The following LEFTY2 variants were observed in gnomAD, a reference collection of about 807,000 sequenced individuals.
LEFTY2 encodes the protein TGF-beta-4.
A neutral mutation model predicts 26.4 loss-of-function variants in LEFTY2; 10 were observed. The observed-to-expected ratio is 0.38, with a 90% CI of 0.23 to 0.64. LEFTY2 has a LOEUF of 0.64. Ranked by LOEUF, LEFTY2 falls within the 30% of genes least tolerant of loss-of-function variation. LEFTY2 has a pLI of 0.56. For missense variants in LEFTY2, 407 were observed against 502.1 expected, an observed-to-expected ratio of 0.81 and a Z score of 1.81; for synonymous variants, 204 against 234.1, an observed-to-expected ratio of 0.87 and a Z score of 1.17.
rs775888896 is a variant in LEFTY2, at chr1:225,939,815, G to C, written c.438C>G (p.Thr146=). The C allele has an allele frequency of 3.2e-6, 5 of 1,554,668 alleles. No individual in the cohort carries two copies. The highest frequency in any genetic ancestry group is 2.4e-5 in the East Asian group (1 of 42,438). The stretch of plus-strand genomic sequence containing the variant: ...CGTCGCGGACGCGCAGCCACTCGAC[G>C]GTCACCCGGGCCTGGGCGCTGCGCG... ...LSPRSAQARV[T]VEWLRVRDDG... Residue 146 remains threonine, a synonymous_variant, in exon 2 of 4, where the codon ACC becomes ACG. Coordinates refer to ENST00000366820, the MANE Select transcript of LEFTY2 (RefSeq NM_003240.5). This position sits in a 1 kb window ranked among gnomAD's most constrained non-coding sequence, Gnocchi z 4.1.
chr1:225,937,885 C>G, intron 3 of LEFTY2, 81 bp from the exon 4 acceptor site: 1 of 1,506,586 alleles, frequency 6.6e-7, no homozygotes. Flanking sequence ...TAGTGGGCAC[C>G]TGGGAGGGAG....
In LEFTY2 at chr1:225,941,079, G is replaced by A. The variant is rs766372322; in HGVS notation, c.62C>T (p.Ala21Val). ...WVLPLAGPGA[A>V]LTEEQLLGSL... ...GCCCAGGAGCTGCTCCTCGGTCAGG[G>A]CCGCCCCGGGGCCAGCCAGGGGCAG... is the stretch of plus-strand genomic sequence containing the variant. Residue 21 changes from alanine (A) to valine (V), a missense_variant, in exon 1 of 4, where the codon GCC becomes GTC. Physicochemically the swap from Ala to Val is moderately conservative, Grantham distance 64 (BLOSUM62 0). Coordinates refer to ENST00000366820, the MANE Select transcript of LEFTY2 (RefSeq NM_003240.5). 3.1e-6 allele frequency: 5 copies of A among 1,600,116 alleles called. No individual in the cohort carries two copies. Among genetic ancestry groups the A allele is most frequent in the Non-Finnish European group, 3.4e-6 (4 of 1,173,528 alleles).
chr1:225,937,669 G>A lies in LEFTY2; in HGVS notation c.873C>T (p.Tyr291=), dbSNP rs536871035. The change falls in exon 4 of 4, where the codon TAC becomes TAT. Residue 291 remains tyrosine, a synonymous_variant. Transcript: ENST00000366820. The part of the protein sequence containing the change: ...WVLEPPGFLA[Y]ECVGTCQQPP... ...GCTGCTGGCAGGTGCCCACACACTC[G>A]TAAGCCAGGAAGCCCGGGGGCTCCA... 238 of 1,614,020 alleles carry A rather than the reference G, an allele frequency of 1.5e-4. No individual in the cohort carries two copies. The East Asian group carries it at 4.0e-3, about 27-fold the overall frequency.
At chr1:225,938,994 C>T (rs1169415053) in intron 3 of LEFTY2, among the ~76,000 whole-genome samples, 2 of 151,408 alleles carry the variant, frequency 1.3e-5, no homozygotes, top group African/African-American at 4.9e-5. Flanking sequence ...GCCTCAGCCT[C>T]CTGAGTAGCT....
rs1672249082 is a variant in LEFTY2 at position 225,939,524 on chromosome 1, G to A, written c.574C>T (p.Arg192Trp). 6 of 1,611,098 alleles carry A rather than the reference G, an allele frequency of 3.7e-6. No homozygotes were observed. Among genetic ancestry groups the A allele is most frequent in the Admixed American group, 3.3e-5 (2 of 59,974 alleles). The change falls in exon 3 of 4, where the codon CGG becomes TGG. Residue 192 changes from arginine (R) to tryptophan (W), a missense_variant. Coordinates refer to ENST00000366820, the MANE Select transcript of LEFTY2 (RefSeq NM_003240.5). This position sits in a 1 kb window ranked among gnomAD's most constrained non-coding sequence, Gnocchi z 4.1. ...EAVNFWQQLS[R>W]PRQPLLLQVS... is the part of the protein sequence containing the mutation. Reference sequence around the variant, plus strand: ...TGTAGCAGCAGCGGCTGCCGGGGCCGGCTCAGCTGCTGCCAGAAGTTCACG... The same window carrying A: ...TGTAGCAGCAGCGGCTGCCGGGGCCAGCTCAGCTGCTGCCAGAAGTTCACG...
chr1:225,939,238 C>T lies in LEFTY2; in HGVS notation c.737+123G>A. On this transcript the variant is annotated intron_variant, in intron 3 of 3. Transcript: ENST00000366820. This position sits in a 1 kb window ranked among gnomAD's most constrained non-coding sequence, Gnocchi z 4.1. The stretch of plus-strand genomic sequence containing the variant: ...GCAATCGCTGGCATCCTGGGACAGT[C>T]TGCACCGCGCTCTCCCTACCCCTAG... 6.9e-7 allele frequency: 1 copy of T among 1,455,610 alleles called. No homozygotes were observed. The highest frequency in any genetic ancestry group is 9.4e-7 in the Non-Finnish European group (1 of 1,067,294). The allele number at this position is 1,455,610 out of a possible 1,614,324, so 90.2% of individuals were successfully genotyped here.
chr1:225,940,783 C>T (rs1672301821), intron 1 of LEFTY2, 108 bp downstream of exon 1: 1 of 1,545,834 alleles, frequency 6.5e-7, no homozygotes, highest in African/African-American at 1.4e-5. Flanking sequence ...CTCACACAGC[C>T]TCCCACAGAG....
At position 225,939,304 on chromosome 1, in the gene LEFTY2, G is replaced by T; in HGVS notation, c.737+57C>A. ...CGGTCCCCCAGACAGTCCTGGGGAC[G>T]GGGGTCTGGACCACTCAGTGGCTGC... On this transcript the variant is annotated intron_variant, in intron 3 of 3. Transcript: ENST00000366820. The surrounding 1 kb of genome is among the most constrained non-coding windows in gnomAD (Gnocchi z 4.1). 6.2e-7 allele frequency: 1 copy of T among 1,610,396 alleles called. No homozygotes were observed. The highest frequency in any genetic ancestry group is 8.5e-7 in the Non-Finnish European group (1 of 1,178,652).
rs375716923 is a variant in LEFTY2 at position 225,939,716 on chromosome 1, A to C, written c.497+40T>G. On this transcript the variant is annotated intron_variant, in intron 2 of 3. Coordinates refer to ENST00000366820, the MANE Select transcript of LEFTY2 (RefSeq NM_003240.5). The surrounding 1 kb of genome is among the most constrained non-coding windows in gnomAD (Gnocchi z 4.1). The stretch of plus-strand genomic sequence containing the variant: ...TCCCCGCCCCCAAGCCGGGCCGAGC[A>C]GCCTCCTACTCCTGCCCTGCGCGCC... 47 of 1,606,616 alleles carry C rather than the reference A, an allele frequency of 2.9e-5. No homozygotes were observed. Among genetic ancestry groups the C allele is most frequent in the East Asian group, 1.8e-4 (8 of 44,746 alleles).
chr1:225,940,053 C>T (rs1199802395), intron 1 of LEFTY2, 51 bp from the exon 2 acceptor site: 1 of 1,594,342 alleles, frequency 6.3e-7, no homozygotes, highest in Non-Finnish European at 8.5e-7. Flanking sequence ...CAGCGGAGCT[C>T]TGAGGATGGC....
chr1:225,937,768 G>A lies in LEFTY2; in HGVS notation c.774C>T (p.Thr258=), dbSNP rs149969900. Residue 258 remains threonine (T), a synonymous_variant, in exon 4 of 4, where the codon ACC becomes ACT. Coordinates refer to ENST00000366820, the MANE Select transcript of LEFTY2 (RefSeq NM_003240.5). ...QGDCDPEAPM[T]EGTRCCRQEM... ...CCTGGCGGCAGCAGCGGGTGCCCTC[G>A]GTCATTGGTGCTTCAGGGTCACAGT... 8,811 of 1,611,442 alleles carry A rather than the reference G, an allele frequency of 5.5e-3. 279 individuals are homozygous for A. The African/African-American group carries it at 0.087, about 16-fold the overall frequency.
chr1:225,939,215 A>C lies in LEFTY2; in HGVS notation c.737+146T>G. On this transcript the variant is annotated intron_variant, in intron 3 of 3. Coordinates refer to ENST00000366820, the MANE Select transcript of LEFTY2 (RefSeq NM_003240.5). This position sits in a 1 kb window ranked among gnomAD's most constrained non-coding sequence, Gnocchi z 4.1. ...TTAGAAACCCTGACATGTAGTGGGC[A>C]ATCGCTGGCATCCTGGGACAGTCTG... The C allele has an allele frequency of 3.1e-6, 4 of 1,294,990 alleles. No homozygotes were observed. The South Asian group carries it at 5.3e-5, about 17-fold the overall frequency. The allele number at this position is 1,294,990 out of a possible 1,614,324, so 80.2% of individuals were successfully genotyped here.
At position 225,939,618 on chromosome 1, in the gene LEFTY2, C is replaced by G. The variant is rs377316618; in HGVS notation, c.498-18G>C. ...ACACCAGCCTGAGACATGATACACA[C>G]GACACGGAGACCCAGCGCCGCTTGA... On this transcript the variant is annotated intron_variant, in intron 2 of 3. Transcript: ENST00000366820. This position sits in a 1 kb window ranked among gnomAD's most constrained non-coding sequence, Gnocchi z 4.1. The G allele has an allele frequency of 1.9e-6, 3 of 1,612,458 alleles. No individual in the cohort carries two copies. The highest frequency in any genetic ancestry group is 2.5e-6 in the Non-Finnish European group (3 of 1,179,780).
intron 1 of LEFTY2, among the ~76,000 whole-genome samples, chr1:225,940,645 T>C (rs1030038351): frequency 1.4e-4 from 21 of 151,844 alleles, no homozygotes; most frequent in African/African-American, 5.1e-4. Flanking sequence ...TCCCCTTCTC[T>C]GAAGTCTTGG....
Position 225,939,817 on chromosome 1 carries a change from T to A in LEFTY2, c.436A>T (p.Thr146Ser). The change falls in exon 2 of 4, where the codon ACC becomes TCC. Residue 146 changes from threonine to serine, a missense_variant. Physicochemically the swap from Thr to Ser is moderately conservative, Grantham distance 58 (BLOSUM62 1). Transcript: ENST00000366820. The surrounding 1 kb of genome is among the most constrained non-coding windows in gnomAD (Gnocchi z 4.1). ...LSPRSAQARV[T>S]VEWLRVRDDG... ...TCGCGGACGCGCAGCCACTCGACGGTCACCCGGGCCTGGGCGCTGCGCGGG... is the reference window on the plus strand; with the variant it reads ...TCGCGGACGCGCAGCCACTCGACGGACACCCGGGCCTGGGCGCTGCGCGGG... The A allele has an allele frequency of 2.6e-6, 4 of 1,554,646 alleles. No homozygotes were observed. Among genetic ancestry groups the A allele is most frequent in the Non-Finnish European group, 3.5e-6 (4 of 1,155,428 alleles).
chr1:225,941,012 C>T lies in LEFTY2; in HGVS notation c.129G>A (p.Leu43=). 2 of 1,613,372 alleles carry T rather than the reference C, an allele frequency of 1.2e-6. No homozygotes were observed. The highest frequency in any genetic ancestry group is 1.7e-6 in the Non-Finnish European group (2 of 1,179,856). ...RQLQLSEVPV[L]DRADMEKLVI... is the part of the protein sequence containing the mutation. The stretch of plus-strand genomic sequence containing the variant: ...CCAGCTTCTCCATGTCGGCCCTGTC[C>T]AGTACGGGCACCTCGCTGAGCTGCA... Residue 43 remains leucine, a synonymous_variant, in exon 1 of 4, where the codon CTG becomes CTA. Transcript: ENST00000366820.
At position 225,936,944 on chromosome 1, in the gene LEFTY2, C is replaced by A. The variant is rs1195840817; in HGVS notation, c.*497G>T. On this transcript the variant is annotated 3_prime_UTR_variant, in exon 4 of 4. Transcript: ENST00000366820. ...ATCCCAATTCCCTGTCCACTGCCCC[C>A]AGCCTGAAGCCCTTCATCCTTCCTC... 5.9e-6 allele frequency: 1 copy of A among 168,132 alleles called. No homozygotes were observed. Among genetic ancestry groups the A allele is most frequent in the Non-Finnish European group, 1.3e-5 (1 of 77,604 alleles). The allele number at this position is 168,132 out of a possible 1,614,324, so 10.4% of individuals were successfully genotyped here.
chr1:225,936,682 G>A lies in LEFTY2; in HGVS notation c.*759C>T, dbSNP rs1672161115. The A allele has an allele frequency of 6.6e-6, 1 of 152,162 alleles. No homozygotes were observed. The allele number at this position is 152,162 out of a possible 1,614,324, so 9.4% of individuals were successfully genotyped here. ...ATTAACAAAAAACATGCAAATACAT[G>A]TGGTTTCTGGTGACAAGTTCTCTAA... On this transcript the variant is annotated 3_prime_UTR_variant, in exon 4 of 4. Coordinates refer to ENST00000366820, the MANE Select transcript of LEFTY2 (RefSeq NM_003240.5).
In LEFTY2 at chr1:225,939,617, A is replaced by C. The variant is rs530184482; in HGVS notation, c.498-17T>G. ...GACACCAGCCTGAGACATGATACAC[A>C]CGACACGGAGACCCAGCGCCGCTTG... is the stretch of plus-strand genomic sequence containing the variant. On this transcript the variant is annotated splice_polypyrimidine_tract_variant and intron_variant, in intron 2 of 3. Transcript: ENST00000366820. This position sits in a 1 kb window ranked among gnomAD's most constrained non-coding sequence, Gnocchi z 4.1. 1 of 1,612,334 alleles carries C rather than the reference A, an allele frequency of 6.2e-7. No homozygotes were observed. Among genetic ancestry groups the C allele is most frequent in the Admixed American group, 1.7e-5 (1 of 60,014 alleles).
Sources: gnomAD v4.1 joint callset for allele counts (sites outside exome capture counted in the v4.1 genomes callset) on GRCh38, gnomAD v4.1.1 for gene constraint, Gnocchi (gnomAD v3.1) non-coding constraint, MANE v1.5 for transcripts, NCBI Gene and HGNC (gene_info 2026-07-23, HGNC 2026-07-21) for gene names.